Variants in GC observed in about 807,000 individuals in gnomAD.
The protein encoded by GC is GC vitamin D binding protein, also known as vitamin D-binding protein.
A neutral mutation model predicts 56.7 loss-of-function variants in GC; 43 were observed. The ratio of observed to expected loss-of-function variants is 0.76; its 90% CI spans 0.59 to 0.98. The LOEUF is 0.98. Ranked by LOEUF, GC falls within the 50% of genes least tolerant of loss-of-function variation. GC has a pLI of 0.00. For missense variants in GC, 529 were observed against 545.9 expected, an observed-to-expected ratio of 0.97 and a Z score of 0.31; for synonymous variants, 216 against 202.7, an observed-to-expected ratio of 1.07 and a Z score of -0.56.
chr4:71,795,164 T>A (rs1743066946), intron 1 of GC, among the ~76,000 whole-genome samples: 1 of 152,224 alleles, frequency 6.6e-6, no homozygotes, highest in South Asian at 2.1e-4. Context: ...TCTGTAGCTG[T>A]CTATCAGGTC....
chr4:71,784,180 C>G (rs1421622176), upstream of GC: 1 of 1,315,084 alleles, frequency 7.6e-7, no homozygotes, highest in Non-Finnish European at 9.8e-7. Context: ...AACACAGAAG[C>G]AAGGGGCTGT....
upstream of GC, among the ~76,000 whole-genome samples, chr4:71,788,863 A>G (rs1485817154): frequency 1.3e-5 from 2 of 151,944 alleles, no homozygotes; most frequent in African/African-American, 2.4e-5. Context: ...AATCACTGTT[A>G]AATATATAGT....
At chr4:71,768,658 G>T (rs1578301654) in intron 2 of GC, among the ~76,000 whole-genome samples, 1 of 152,216 alleles carries the variant, frequency 6.6e-6, no homozygotes, top group South Asian at 2.1e-4. Flanking sequence ...TAGAGACAGG[G>T]TTTCACCATG....
At chr4:71,779,944 T>TA (rs566397730) in intron 1 of GC, among the ~76,000 whole-genome samples, 39 of 150,984 alleles carry the variant, frequency 2.6e-4, no homozygotes, top group East Asian at 2.5e-3. Context: ...TCATGTTTAA[T>TA]AAAAAAAAAT....
rs545447794 is a variant in GC at position 71,771,180 on chromosome 4, T to A, written c.59-1780A>T. 5.3e-5 allele frequency among the ~76,000 whole-genome samples: 8 copies of A among 152,306 alleles called. No individual in the cohort carries two copies. The East Asian group carries it at 1.5e-3, about 29-fold the overall frequency. The stretch of plus-strand genomic sequence containing the variant: ...AAAGTCATCTCAGGTGATATGATGG[T>A]AACTGCTGTCAGGCTTTAATCCCAA... On this transcript the variant is annotated intron_variant, in intron 1 of 12. Transcript: ENST00000273951.
intron 12 of GC, among the ~76,000 whole-genome samples, chr4:71,745,028 CAGTAGT>C (rs1374381911): frequency 6.6e-6 from 1 of 152,154 alleles, no homozygotes; most frequent in African/African-American, 2.4e-5. Flanking sequence ...TAGATTCAAC[CAGTAGT>C]AGTAGGAGCA....
At position 71,768,298 on chromosome 4, in the gene GC, T is replaced by C. The variant is rs547525610; in HGVS notation, c.261+3A>G. The C allele has an allele frequency of 5.0e-6, 8 of 1,593,462 alleles. No homozygotes were observed. The highest frequency in any genetic ancestry group is 2.7e-5 in the African/African-American group (2 of 74,192). On this transcript the variant is annotated splice_donor_region_variant and intron_variant, in intron 3 of 12. Transcript: ENST00000273951. ...ACAGAGACGGCCAGCCACAGAAACC[T>C]ACCCTGGTGTCATAGCAGTCAGGGT...
chr4:71,753,345 G>A (rs1347016231), intron 10 of GC, among the ~76,000 whole-genome samples: 1 of 152,104 alleles, frequency 6.6e-6, no homozygotes, highest in East Asian at 1.9e-4. Flanking sequence ...AATTAATCTA[G>A]AGTTGGGCTT....
chr4:71,757,495 T>TA (rs5859288), intron 7 of GC, among the ~76,000 whole-genome samples: 25,944 of 151,748 alleles, frequency 0.17, 3,885 homozygotes, highest in African/African-American at 0.41. Context: ...TGAAAAATGG[T>TA]AAAAAAAATT....
rs1741816760 is a variant in GC, at chr4:71,757,423, G to C, written c.832-509C>G. On this transcript the variant is annotated intron_variant, in intron 7 of 12. Transcript: ENST00000273951. ...TTACTACAGAGATTGACAAGATCTT[G>C]GAGACTGACCTTCAGCTAAAGCAAT... Among the ~76,000 whole-genome samples, 8 of 152,218 alleles carry C rather than the reference G, an allele frequency of 5.3e-5. No homozygotes were observed. The South Asian group carries it at 1.7e-3, about 32-fold the overall frequency.
chr4:71,791,468 G>T (rs1312458138), intron 1 of GC, among the ~76,000 whole-genome samples: 1 of 151,534 alleles, frequency 6.6e-6, no homozygotes, highest in Non-Finnish European at 1.5e-5. Context: ...CTTTTTAATT[G>T]CTGGGATTTT....
intron 1 of GC, among the ~76,000 whole-genome samples, chr4:71,779,412 G>C (rs1742606172): frequency 6.6e-6 from 1 of 151,842 alleles, no homozygotes; most frequent in African/African-American, 2.4e-5. Flanking sequence ...GATGCCTGAA[G>C]AAGGTGAGGA....
At chr4:71,788,010 A>C (rs1054518669), upstream of GC, among the ~76,000 whole-genome samples, 10 of 151,882 alleles carry the variant, frequency 6.6e-5, no homozygotes, top group Admixed American at 1.3e-4. Context: ...GCTCTCCCAC[A>C]GTGCTCCTAC....
intron 11 of GC, among the ~76,000 whole-genome samples, chr4:71,751,683 G>C (rs1354393030): frequency 6.6e-6 from 1 of 151,954 alleles, no homozygotes; most frequent in Non-Finnish European, 1.5e-5. Flanking sequence ...AGGGGAGACA[G>C]GGAGGAGGGG....
At chr4:71,793,463 TAC>T (rs1743019105) in intron 1 of GC, among the ~76,000 whole-genome samples, 1 of 151,494 alleles carries the variant, frequency 6.6e-6, no homozygotes, top group Admixed American at 6.6e-5. Flanking sequence ...CTCTGTTTAT[TAC>T]TGGTGTATAG....
intron 3 of GC, among the ~76,000 whole-genome samples, chr4:71,768,040 T>C (rs1056361667): frequency 2.6e-5 from 4 of 152,194 alleles, no homozygotes; most frequent in Admixed American, 6.5e-5. Context: ...TTATAACTCC[T>C]TCTTGCTAGC....
At chr4:71,763,023 C>T (rs529539048) in intron 6 of GC, among the ~76,000 whole-genome samples, 2 of 152,314 alleles carry the variant, frequency 1.3e-5, no homozygotes, top group South Asian at 2.1e-4. Context: ...TCAGATGTCT[C>T]ATTCCAAGAA....
Position 71,741,765 on chromosome 4 carries a change from T to C in GC, c.*131A>G. 1 of 697,168 alleles carries C rather than the reference T, an allele frequency of 1.4e-6. No individual in the cohort carries two copies. The highest frequency in any genetic ancestry group is 2.6e-6 in the Non-Finnish European group (1 of 383,494). The allele number at this position is 697,168 out of a possible 1,614,324, so 43.2% of individuals were successfully genotyped here. A position where few individuals can be genotyped will look rare whatever the true frequency, so the allele number is the denominator to read the frequency against. ...TACTTGTCATTGTATGAAGATATTGTAGCTAGAAAAAGTAGAAAGTATCCT... is the reference window on the plus strand; with the variant it reads ...TACTTGTCATTGTATGAAGATATTGCAGCTAGAAAAAGTAGAAAGTATCCT... On this transcript the variant is annotated 3_prime_UTR_variant, in exon 13 of 13. Coordinates refer to ENST00000273951, the MANE Select transcript of GC (RefSeq NM_000583.4).
chr4:71,773,296 T>A (rs1043129530), intron 1 of GC, among the ~76,000 whole-genome samples: 1 of 152,110 alleles, frequency 6.6e-6, no homozygotes, highest in East Asian at 1.9e-4. Context: ...CATGTTTCAC[T>A]TTTTATCTAT....
Sources: gnomAD v4.1 joint callset for allele counts (sites outside exome capture counted in the v4.1 genomes callset) on GRCh38, gnomAD v4.1.1 for gene constraint, MANE v1.5 for transcripts, NCBI Gene and HGNC (gene_info 2026-07-23, HGNC 2026-07-21) for gene names.